SPAG16: variants seen among roughly 807,000 people sequenced by gnomAD.
The protein encoded by SPAG16 is sperm associated antigen 16.
In SPAG16, 86 loss-of-function variants were observed where a neutral mutation model predicts 80.4. The observed-to-expected ratio is 1.07, with a 90% CI of 0.90 to 1.28. The LOEUF is 1.28. SPAG16 is among the 50% of genes most tolerant of loss of function. SPAG16 has a pLI of 0.00. For missense variants in SPAG16, 870 were observed against 765.3 expected (o/e 1.14, Z -1.61); for synonymous variants, 294 against 265.9 (o/e 1.11, Z -1.03).
At chr2:214,229,066 C>T (rs1688501455) in intron 15 of SPAG16, among the ~76,000 whole-genome samples, 1 of 151,402 alleles carries the variant, frequency 6.6e-6, no homozygotes, top group South Asian at 2.1e-4. Flanking sequence ...AAGTATTATA[C>T]CAGGGACTAT....
chr2:213,895,714 G>T (rs1308454681), intron 11 of SPAG16, among the ~76,000 whole-genome samples: 1 of 151,894 alleles, frequency 6.6e-6, no homozygotes, highest in Non-Finnish European at 1.5e-5. Flanking sequence ...AATGGTACTG[G>T]GAAAACTATA....
chr2:213,714,365 A>G (rs924233794), intron 10 of SPAG16, among the ~76,000 whole-genome samples: 1 of 152,182 alleles, frequency 6.6e-6, no homozygotes, highest in South Asian at 2.1e-4. Context: ...CCATCTTACA[A>G]TAATTCCAGT....
At chr2:213,839,155 T>C (rs1431448826) in intron 10 of SPAG16, among the ~76,000 whole-genome samples, 1 of 152,208 alleles carries the variant, frequency 6.6e-6, no homozygotes, top group African/African-American at 2.4e-5. Context: ...GTTAACTCTT[T>C]TGTAAATATC....
At chr2:213,662,998 G>A (rs1187862657) in intron 10 of SPAG16, among the ~76,000 whole-genome samples, 1 of 152,024 alleles carries the variant, frequency 6.6e-6, no homozygotes, top group Non-Finnish European at 1.5e-5. Flanking sequence ...TGTAATTAGG[G>A]CACCAATAAT....
At chr2:213,489,464 T>A (rs1236859956) in intron 9 of SPAG16, among the ~76,000 whole-genome samples, 1 of 152,154 alleles carries the variant, frequency 6.6e-6, no homozygotes, top group African/African-American at 2.4e-5. Context: ...AGTAAGTGTT[T>A]TTAAATTAGT....
At chr2:214,266,033 C>T (rs1691542972) in intron 15 of SPAG16, among the ~76,000 whole-genome samples, 1 of 151,792 alleles carries the variant, frequency 6.6e-6, no homozygotes, top group Non-Finnish European at 1.5e-5. Context: ...TACTGCTCTA[C>T]CCCCAGGGTC....
intron 12 of SPAG16, among the ~76,000 whole-genome samples, chr2:214,011,179 A>G (rs1380943227): frequency 6.9e-6 from 1 of 145,400 alleles, no homozygotes; most frequent in Non-Finnish European, 1.5e-5. Context: ...CTCTCCATAG[A>G]GCTATAACTA....
At chr2:213,721,716 ACCCT>A (rs2066542932) in intron 10 of SPAG16, among the ~76,000 whole-genome samples, 1 of 151,964 alleles carries the variant, frequency 6.6e-6, no homozygotes, top group Non-Finnish European at 1.5e-5. Context: ...CAAATAGTAA[ACCCT>A]AGTATGCCAA....
At chr2:213,928,145 G>T (rs886092694) in intron 11 of SPAG16, among the ~76,000 whole-genome samples, 1 of 152,048 alleles carries the variant, frequency 6.6e-6, no homozygotes, top group Non-Finnish European at 1.5e-5. Context: ...GAGTGCAGTG[G>T]CATGATCTCG....
chr2:214,171,476 C>A (rs1344617863), intron 15 of SPAG16, among the ~76,000 whole-genome samples: 1 of 151,950 alleles, frequency 6.6e-6, no homozygotes, highest in African/African-American at 2.4e-5. Context: ...TTTATAACAT[C>A]ACAGAAAACA....
intron 14 of SPAG16, among the ~76,000 whole-genome samples, chr2:214,129,016 G>A (rs2054627525): frequency 6.6e-6 from 1 of 151,796 alleles, no homozygotes; most frequent in Non-Finnish European, 1.5e-5. Flanking sequence ...CTTTCCCAGT[G>A]TAATCTGAAC....
At chr2:213,977,702 C>A (rs984304454) in intron 12 of SPAG16, among the ~76,000 whole-genome samples, 5 of 152,018 alleles carry the variant, frequency 3.3e-5, no homozygotes, top group African/African-American at 9.7e-5. Context: ...AGTGCATGTT[C>A]ACACTGAGTA....
At chr2:214,334,746 G>C (rs1009798291) in intron 15 of SPAG16, among the ~76,000 whole-genome samples, 1 of 152,124 alleles carries the variant, frequency 6.6e-6, no homozygotes, top group Non-Finnish European at 1.5e-5. Context: ...ATTGCTTACT[G>C]TCACTGGAAT....
At chr2:214,087,089 T>A (rs1366009442) in intron 13 of SPAG16, among the ~76,000 whole-genome samples, 1 of 152,192 alleles carries the variant, frequency 6.6e-6, no homozygotes, top group African/African-American at 2.4e-5. Flanking sequence ...CAGTTCTGTC[T>A]TGATATATCA....
chr2:213,980,306 C>A (rs537180375), intron 12 of SPAG16, among the ~76,000 whole-genome samples: 1 of 24,326 alleles, frequency 4.1e-5, no homozygotes, highest in African/African-American at 3.5e-4. Context: ...TATATATATT[C>A]TCTATATATA....
At chr2:214,216,475 C>G (rs936248339) in intron 15 of SPAG16, among the ~76,000 whole-genome samples, 5 of 152,180 alleles carry the variant, frequency 3.3e-5, no homozygotes, top group Admixed American at 6.5e-5. Context: ...GCACATGCCA[C>G]CACGCCCAGC....
intron 15 of SPAG16, among the ~76,000 whole-genome samples, chr2:214,257,656 A>C (rs1690790282): frequency 6.6e-6 from 1 of 152,106 alleles, no homozygotes; most frequent in African/African-American, 2.4e-5. Context: ...TGGTAAGCCA[A>C]TCTTGAGCTT....
At chr2:213,829,220 G>A (rs564739512) in intron 10 of SPAG16, among the ~76,000 whole-genome samples, 1 of 152,230 alleles carries the variant, frequency 6.6e-6, no homozygotes, top group South Asian at 2.1e-4. Flanking sequence ...GTAAGACAAA[G>A]TTCTTCCCAC....
At chr2:213,674,224 T>C (rs2063938432) in intron 10 of SPAG16, among the ~76,000 whole-genome samples, 1 of 152,172 alleles carries the variant, frequency 6.6e-6, no homozygotes, top group African/African-American at 2.4e-5. Context: ...GTTTCATTTA[T>C]AATTTTACAG....
Sources: allele counts gnomAD v4.1 joint callset (sites outside exome capture counted in the v4.1 genomes callset), GRCh38; gene constraint gnomAD v4.1.1; transcripts MANE v1.5; gene names NCBI Gene and HGNC (gene_info 2026-07-23, HGNC 2026-07-21).